The following LAMC1 variants were observed in gnomAD, a reference collection of about 807,000 sequenced individuals.
LAMC1 encodes the protein laminin subunit gamma-1.
LAMC1 carries 38 observed loss-of-function variants against 173.6 expected under a neutral mutation model. The ratio of observed to expected loss-of-function variants is 0.22; its 90% CI spans 0.17 to 0.29. The LOEUF is 0.29. LAMC1 is among the 10% of genes least tolerant of loss of function. The probability of loss-of-function intolerance (pLI) is 1.00; values close to 1 mark genes in which losing one functional copy is unlikely to be tolerated. For missense variants in LAMC1, 1,824 were observed against 2,051.8 expected (o/e 0.89, Z 2.14); for synonymous variants, 746 against 749.1 (o/e 1.00, Z 0.07).
At chr1:183,044,484 G>A (rs1654214990) in intron 1 of LAMC1, among the ~76,000 whole-genome samples, 1 of 152,012 alleles carries the variant, frequency 6.6e-6, no homozygotes, top group Admixed American at 6.5e-5. Flanking sequence ...TACTTGACTC[G>A]TAAAACGATA....
rs954995371 is a variant in LAMC1, at chr1:183,057,995, A to G, written c.418+33861A>G. ...AGAAGGATTTGCTCTTGTTTGACAG[A>G]TAATAGCAGACTTCATCTCTTTTTA... On this transcript the variant is annotated intron_variant, in intron 1 of 27. Transcript: ENST00000258341. 1.6e-4 allele frequency among the ~76,000 whole-genome samples: 25 copies of G among 152,350 alleles called. No individual in the cohort carries two copies. In the East Asian group the frequency reaches 4.4e-3, roughly 27 times the overall value.
rs1657190191 is a variant in LAMC1, at chr1:183,144,043, G to T, written c.*1253G>T. ...ACCTTCCCTCTAAGTGTAGAGGGAA[G>T]ACCCTTACGTGGAGTTTCCTAGTGG... On this transcript the variant is annotated 3_prime_UTR_variant, in exon 28 of 28. Coordinates refer to ENST00000258341, the MANE Select transcript of LAMC1 (RefSeq NM_002293.4). The T allele has an allele frequency of 6.6e-6, 1 of 152,506 alleles. No individual in the cohort carries two copies. Among genetic ancestry groups the T allele is most frequent in the African/African-American group, 2.4e-5 (1 of 41,410 alleles). The allele number at this position is 152,506 out of a possible 1,614,324, so 9.4% of individuals were successfully genotyped here.
rs3065304 is a variant in LAMC1, at chr1:183,131,172, C to CAAAAA, written c.3487-113_3487-109dup. 17,220 of 394,810 alleles carry CAAAAA rather than the reference C, an allele frequency of 0.044. 192 individuals carry two copies. Among genetic ancestry groups the CAAAAA allele is most frequent in the South Asian group, 0.079 (2,754 of 34,902 alleles). The allele number at this position is 394,810 out of a possible 1,614,324, so 24.5% of individuals were successfully genotyped here. ...CTGGGCAACAAGAGTGAAACTATCT[C>CAAAAA]AAAAAAAAAAAAAAAAAAGGTAGAG... On this transcript the variant is annotated intron_variant, in intron 19 of 27. Coordinates refer to ENST00000258341, the MANE Select transcript of LAMC1 (RefSeq NM_002293.4).
At position 183,130,525 on chromosome 1, in the gene LAMC1, A is replaced by C; in HGVS notation, c.3462A>C (p.Lys1154Asn). The C allele has an allele frequency of 6.2e-7, 1 of 1,614,218 alleles. No individual in the cohort carries two copies. The highest frequency in any genetic ancestry group is 1.3e-5 in the African/African-American group (1 of 75,046). The change falls in exon 19 of 28, where the codon AAA (lysine) becomes AAC (asparagine). Residue 1154 changes from lysine (K) to asparagine (N), a missense_variant. Lys to Asn is a moderately conservative substitution (Grantham distance 94, BLOSUM62 0). Coordinates refer to ENST00000258341, the MANE Select transcript of LAMC1 (RefSeq NM_002293.4). ...LIEIASRELE[K>N]AKVAAANVSV... ...AAATCGCATCCAGAGAACTTGAGAA[A>C]GCAAAAGTCGCTGCTGCCAATGTGG...
At position 183,133,005 on chromosome 1, in the gene LAMC1, G is replaced by A. The variant is rs552076692; in HGVS notation, c.3705-401G>A. Among the ~76,000 whole-genome samples, 242 of 152,184 alleles carry A rather than the reference G, an allele frequency of 1.6e-3. 1 individual carries two copies. Among genetic ancestry groups the A allele is most frequent in the East Asian group, 2.7e-3 (14 of 5,182 alleles). ...GGCTCACTGCATCCTCTGCCTCCCG[G>A]GTTCAAGCGATTCTCCTGCCTCGGC... On this transcript the variant is annotated intron_variant, in intron 21 of 27. Transcript: ENST00000258341.
chr1:183,136,405 C>T lies in LAMC1; in HGVS notation c.4134C>T (p.Asn1378=), dbSNP rs373451718. ...NNLKDFDRRV[N]DNKTAAEEAL... Reference sequence around the variant, plus strand: ...TTTCAGATTTTGATAGGCGTGTGAACGATAACAAGACGGCCGCAGAGGAGG... The same window carrying T: ...TTTCAGATTTTGATAGGCGTGTGAATGATAACAAGACGGCCGCAGAGGAGG... The change falls in exon 25 of 28, where the codon AAC becomes AAT. Residue 1378 remains asparagine, a synonymous_variant. Coordinates refer to ENST00000258341, the MANE Select transcript of LAMC1 (RefSeq NM_002293.4). 2.6e-5 allele frequency: 42 copies of T among 1,613,966 alleles called. No homozygotes were observed. The highest frequency in any genetic ancestry group is 1.8e-4 in the East Asian group (8 of 44,894).
intron 1 of LAMC1, among the ~76,000 whole-genome samples, chr1:183,070,719 G>T (rs1240297587): frequency 6.6e-6 from 1 of 151,930 alleles, no homozygotes; most frequent in East Asian, 1.9e-4. Flanking sequence ...CTTGAATTCA[G>T]TAGGGTCTTC....
Position 183,114,713 on chromosome 1 carries a change from C to G in LAMC1, c.1204C>G (p.Pro402Ala). 1.2e-6 allele frequency: 2 copies of G among 1,613,368 alleles called. No individual in the cohort carries two copies. Among genetic ancestry groups the G allele is most frequent in the Non-Finnish European group, 1.7e-6 (2 of 1,179,440 alleles). ...AGCCTGCTCTTCATGCCACTGTAGT[C>G]CTGTGGGTAAGTGACAGGAAGATGG... ...NEACSSCHCS[P>A]VGSLSTQCDS... The change falls in exon 5 of 28, where the codon CCT becomes GCT. Residue 402 changes from proline (P) to alanine (A), a missense_variant. Transcript: ENST00000258341.
In LAMC1 at chr1:183,137,840, G is replaced by T. The variant is rs759564575; in HGVS notation, c.4473+13G>T. 5 of 1,583,492 alleles carry T rather than the reference G, an allele frequency of 3.2e-6. No individual in the cohort carries two copies. The Admixed American group carries it at 9.1e-5, about 29-fold the overall frequency. ...GATGGCAGGGATGGTAAGAGGTTTT[G>T]GTATATTTGCTCATTGGCAGAAAGT... On this transcript the variant is annotated intron_variant, in intron 26 of 27. Transcript: ENST00000258341.
chr1:183,128,450 A>C (rs1656679758), intron 17 of LAMC1, 144 bp from the exon 18 acceptor site: 1 of 554,306 alleles, frequency 1.8e-6, no homozygotes, highest in Non-Finnish European at 2.9e-6. Flanking sequence ...GTATCCTAAA[A>C]CTTAAAGTAT....
At chr1:183,059,610 A>G (rs901709755) in intron 1 of LAMC1, among the ~76,000 whole-genome samples, 4 of 152,202 alleles carry the variant, frequency 2.6e-5, no homozygotes, top group Non-Finnish European at 4.4e-5. Flanking sequence ...GGAACTAGCC[A>G]AGGTAAGTGA....
chr1:183,110,256 G>A (rs980131828), intron 3 of LAMC1, among the ~76,000 whole-genome samples: 1 of 152,190 alleles, frequency 6.6e-6, no homozygotes, highest in Admixed American at 6.5e-5. Flanking sequence ...CTCAGAAATT[G>A]TTAGGGACTT....
Position 183,108,204 on chromosome 1 carries a change from C to G in LAMC1, c.724-72C>G. The G allele has an allele frequency of 1.7e-5, 24 of 1,413,398 alleles. No individual in the cohort carries two copies. In the South Asian group the frequency reaches 2.6e-4, roughly 15 times the overall value. The allele number at this position is 1,413,398 out of a possible 1,614,324, so 87.6% of individuals were successfully genotyped here. A position where few individuals can be genotyped will look rare whatever the true frequency, so the allele number is the denominator to read the frequency against. ...ATGATAATAAGTTAGTGATTTAGAA[C>G]ATTTTGTCACATTTATATCATTTTC... On this transcript the variant is annotated intron_variant, in intron 2 of 27. Transcript: ENST00000258341.
intron 1 of LAMC1, among the ~76,000 whole-genome samples, chr1:183,100,792 G>A (rs762304089): frequency 2.6e-5 from 4 of 152,134 alleles, no homozygotes; most frequent in Admixed American, 6.5e-5. Context: ...TTGTCATGGA[G>A]GTGTGTGAGC....
intron 1 of LAMC1, among the ~76,000 whole-genome samples, chr1:183,032,553 ACT>A (rs1558027228): frequency 6.6e-6 from 1 of 151,882 alleles, no homozygotes; most frequent in Non-Finnish European, 1.5e-5. Context: ...ACAAAGTCTC[ACT>A]CTGTTGCCTA....
chr1:183,087,883 G>A (rs1176022606), intron 1 of LAMC1, among the ~76,000 whole-genome samples: 3 of 150,544 alleles, frequency 2.0e-5, no homozygotes, highest in African/African-American at 7.4e-5. Context: ...GTGCGATGTC[G>A]GCTCACCACA....
intron 1 of LAMC1, among the ~76,000 whole-genome samples, chr1:183,101,031 T>C (rs909180224): frequency 6.6e-6 from 1 of 152,144 alleles, no homozygotes; most frequent in African/African-American, 2.4e-5. Flanking sequence ...TTTCAGAGGG[T>C]GGCTTTGTAG....
chr1:183,057,057 G>A (rs1048269601), intron 1 of LAMC1, among the ~76,000 whole-genome samples: 4 of 152,110 alleles, frequency 2.6e-5, no homozygotes, highest in African/African-American at 9.7e-5. Context: ...GCGCTTTCAG[G>A]GCCTACTTGG....
Position 183,131,346 on chromosome 1 carries a change from T to C in LAMC1, c.3534T>C (p.Leu1178=). 6.2e-7 allele frequency: 1 copy of C among 1,613,786 alleles called. No individual in the cohort carries two copies. Among genetic ancestry groups the C allele is most frequent in the Non-Finnish European group, 8.5e-7 (1 of 1,179,910 alleles). The part of the protein sequence containing the change: ...ESTGDPNNMT[L]LAEEARKLAE... ...CAGGGGACCCAAACAACATGACTCT[T>C]TTGGCAGAAGAGGCTCGAAAGCTTG... The change falls in exon 20 of 28, where the codon CTT becomes CTC. Residue 1178 remains leucine, a synonymous_variant. Transcript: ENST00000258341.
Sources: allele counts gnomAD v4.1 joint callset (sites outside exome capture counted in the v4.1 genomes callset), GRCh38; gene constraint gnomAD v4.1.1; transcripts MANE v1.5; gene names NCBI Gene and HGNC (gene_info 2026-07-23, HGNC 2026-07-21).